COBLL1: variants seen among roughly 807,000 people sequenced by gnomAD.
The protein encoded by COBLL1 is cordon-bleu WH2 repeat protein like 1.
COBLL1 carries 50 observed loss-of-function variants against 94.8 expected under a neutral mutation model. The observed-to-expected ratio is 0.53, with a 90% CI of 0.42 to 0.67. The LOEUF is 0.67. COBLL1 is among the 30% of genes least tolerant of loss of function. The pLI is 0.00. For missense variants in COBLL1, 1,362 were observed against 1,348.7 expected (o/e 1.01, Z -0.15); for synonymous variants, 448 against 473.8 (o/e 0.95, Z 0.71).
chr2:164,677,110 T>C (rs1484470932), downstream of COBLL1, among the ~76,000 whole-genome samples: 1 of 152,180 alleles, frequency 6.6e-6, no homozygotes, highest in Non-Finnish European at 1.5e-5. Flanking sequence ...AGCAAACATA[T>C]GTACATCTAA....
rs1685806049 is a variant in COBLL1 at position 164,728,053 on chromosome 2, A to C, written c.577T>G (p.Tyr193Asp). 2 of 1,613,720 alleles carry C rather than the reference A, an allele frequency of 1.2e-6. No homozygotes were observed. Among genetic ancestry groups the C allele is most frequent in the Non-Finnish European group, 8.5e-7 (1 of 1,179,752 alleles). Residue 193 changes from tyrosine (Y) to aspartate (D), a missense_variant, in exon 5 of 14, where the codon TAT (tyrosine) becomes GAT (aspartate). Tyr to Asp is a radical substitution (Grantham distance 160, BLOSUM62 -3). Coordinates refer to ENST00000652658, the MANE Select transcript of COBLL1 (RefSeq NM_001365672.2). Reference sequence around the variant, plus strand: ...AAGTCAAGAGGCTCCTGCGATTGATAATCTTTCAACAATAGTGTATGCAAC... The same window carrying C: ...AAGTCAAGAGGCTCCTGCGATTGATCATCTTTCAACAATAGTGTATGCAAC... ...DPLHTLLLKD[Y>D]QSQEPLDLTK...
chr2:164,820,763 T>C (rs1047632533), intron 2 of COBLL1, among the ~76,000 whole-genome samples: 2 of 152,194 alleles, frequency 1.3e-5, no homozygotes, highest in Non-Finnish European at 1.5e-5. Context: ...CGCACCAATT[T>C]TCAGCAGTTT....
chr2:164,695,035 G>A lies in COBLL1; in HGVS notation c.2357C>T (p.Ser786Phe). ...TAIQTEDSAI[S>F]ESPEEPLPNL... ...TGGCAGTGGCTCTTCTGGGCTTTCA[G>A]AAATAGCAGAATCTTCTGTTTGGAT... Residue 786 changes from serine to phenylalanine, a missense_variant, in exon 12 of 14, where the codon TCT becomes TTT. Coordinates refer to ENST00000652658, the MANE Select transcript of COBLL1 (RefSeq NM_001365672.2). The A allele has an allele frequency of 6.2e-7, 1 of 1,613,878 alleles. No homozygotes were observed. Among genetic ancestry groups the A allele is most frequent in the Non-Finnish European group, 8.5e-7 (1 of 1,179,944 alleles).
chr2:164,804,691 T>C (rs938286545), intron 2 of COBLL1, among the ~76,000 whole-genome samples: 3 of 152,188 alleles, frequency 2.0e-5, no homozygotes, highest in African/African-American at 7.2e-5. Context: ...TCTTTGCAAA[T>C]ATATTCACCT....
chr2:164,719,937 A>G (rs1685363449), intron 7 of COBLL1, among the ~76,000 whole-genome samples: 1 of 150,382 alleles, frequency 6.6e-6, no homozygotes, highest in Non-Finnish European at 1.5e-5. Context: ...AGTGACAAGA[A>G]AAAAAAAATA....
chr2:164,826,109 C>T (rs1361527844), intron 2 of COBLL1, among the ~76,000 whole-genome samples: 1 of 152,028 alleles, frequency 6.6e-6, no homozygotes, highest in Non-Finnish European at 1.5e-5. Flanking sequence ...CAAAGAAATG[C>T]AGTTAGAGTT....
intron 2 of COBLL1, among the ~76,000 whole-genome samples, chr2:164,780,935 T>C (rs1206364633): frequency 6.6e-6 from 1 of 152,196 alleles, no homozygotes. Context: ...AACAGGCACC[T>C]TTAAGAATAC....
At chr2:164,741,560 G>A (rs907522443) in intron 3 of COBLL1, among the ~76,000 whole-genome samples, 15 of 150,982 alleles carry the variant, frequency 9.9e-5, no homozygotes, top group African/African-American at 1.7e-4. Flanking sequence ...GCCAATAGGC[G>A]CCAAGCCCTG....
At chr2:164,747,634 C>A (rs1362942282) in intron 2 of COBLL1, among the ~76,000 whole-genome samples, 1 of 152,032 alleles carries the variant, frequency 6.6e-6, no homozygotes, top group Non-Finnish European at 1.5e-5. Context: ...CAGGCACATG[C>A]CCAGCTCATT....
At chr2:164,788,446 C>T (rs1046774437) in intron 2 of COBLL1, among the ~76,000 whole-genome samples, 1 of 152,078 alleles carries the variant, frequency 6.6e-6, no homozygotes, top group Admixed American at 6.6e-5. Flanking sequence ...ATGAAAATTA[C>T]AAGAGATACA....
At chr2:164,841,937 G>C, upstream of COBLL1, 1 of 1,528,662 alleles carries the variant, frequency 6.5e-7, no homozygotes, top group Non-Finnish European at 8.8e-7. The surrounding 1 kb of genome is among the most constrained non-coding windows in gnomAD (Gnocchi z 5.5). Flanking sequence ...GGCCTCGCTG[G>C]AGCCCGCTCT....
chr2:164,768,799 G>A (rs1331472153), intron 2 of COBLL1, among the ~76,000 whole-genome samples: 2 of 152,060 alleles, frequency 1.3e-5, no homozygotes, highest in East Asian at 1.9e-4. Context: ...AAAAATCTCC[G>A]TGAAAGCACT....
intron 2 of COBLL1, among the ~76,000 whole-genome samples, chr2:164,824,566 G>T (rs1685340482): frequency 6.6e-6 from 1 of 152,148 alleles, no homozygotes; most frequent in Non-Finnish European, 1.5e-5. Context: ...CTCTGGGAAA[G>T]TCTGGAGAGA....
chr2:164,737,074 A>G (rs544599559), intron 3 of COBLL1, among the ~76,000 whole-genome samples: 39 of 152,268 alleles, frequency 2.6e-4, no homozygotes, highest in African/African-American at 7.0e-4. Flanking sequence ...AAGGCAGGAC[A>G]ATCACTTGAG....
chr2:164,770,287 G>A (rs1274793508), intron 2 of COBLL1, among the ~76,000 whole-genome samples: 1 of 151,546 alleles, frequency 6.6e-6, no homozygotes, highest in East Asian at 1.9e-4. Flanking sequence ...ATTCTATTTA[G>A]AGTGCCAGAT....
intron 2 of COBLL1, among the ~76,000 whole-genome samples, chr2:164,665,173 A>C (rs1691134762): frequency 6.6e-6 from 1 of 152,094 alleles, no homozygotes; most frequent in African/African-American, 2.4e-5. Flanking sequence ...TCTACTAAAA[A>C]TACAAAAATT....
chr2:164,728,048 T>C lies in COBLL1; in HGVS notation c.582A>G (p.Gln194=). 2 of 1,613,858 alleles carry C rather than the reference T, an allele frequency of 1.2e-6. No individual in the cohort carries two copies. Among genetic ancestry groups the C allele is most frequent in the South Asian group, 2.2e-5 (2 of 91,080 alleles). Residue 194 remains glutamine (Q), a synonymous_variant, in exon 5 of 14, where the codon CAA becomes CAG. Transcript: ENST00000652658. The stretch of plus-strand genomic sequence containing the variant: ...TTGTCAAGTCAAGAGGCTCCTGCGA[T>C]TGATAATCTTTCAACAATAGTGTAT... The part of the protein sequence containing the change: ...PLHTLLLKDY[Q]SQEPLDLTKS...
chr2:164,759,001 C>T (rs561101176), intron 2 of COBLL1, among the ~76,000 whole-genome samples: 2 of 151,882 alleles, frequency 1.3e-5, no homozygotes, highest in African/African-American at 2.4e-5. Flanking sequence ...GCATTTAAAA[C>T]ATTAAATGTG....
chr2:164,760,695 C>T (rs555496101), intron 2 of COBLL1, among the ~76,000 whole-genome samples: 23 of 152,100 alleles, frequency 1.5e-4, no homozygotes, highest in African/African-American at 4.8e-4. Context: ...CACAGAGAAA[C>T]TTTCTGCACT....
Sources: gnomAD v4.1 joint callset for allele counts (sites outside exome capture counted in the v4.1 genomes callset) on GRCh38, gnomAD v4.1.1 for gene constraint, Gnocchi (gnomAD v3.1) non-coding constraint, MANE v1.5 for transcripts, NCBI Gene and HGNC (gene_info 2026-07-23, HGNC 2026-07-21) for gene names.